CCDC146: variants seen among roughly 807,000 people sequenced by gnomAD.
CCDC146 encodes the protein coiled-coil domain-containing protein 146.
A neutral mutation model predicts 119.3 loss-of-function variants in CCDC146; 92 were observed. The observed-to-expected ratio is 0.77, with a 90% CI of 0.65 to 0.92. The LOEUF is 0.92. Ranked by LOEUF, CCDC146 falls within the 40% of genes least tolerant of loss-of-function variation. CCDC146 has a pLI of 0.00. For synonymous variants in CCDC146, 372 were observed against 371.8 expected, an observed-to-expected ratio of 1.00 and a Z score of -0.01; for missense variants, 1,000 against 1,103.0, an observed-to-expected ratio of 0.91 and a Z score of 1.32.
chr7:77,175,987 C>G (rs923592952), intron 2 of CCDC146, among the ~76,000 whole-genome samples: 1 of 151,126 alleles, frequency 6.6e-6, no homozygotes, highest in African/African-American at 2.5e-5. Flanking sequence ...GAAAGGGAGG[C>G]TTGACTGCTG....
rs142030830 is a variant in CCDC146 at position 77,133,714 on chromosome 7, T to C, written c.-12+10982T>C. On this transcript the variant is annotated intron_variant, in intron 1 of 18. Transcript: ENST00000285871. ...GTACTGGAGGTCCCATACAATGCAATTGGACAATAAAATAGCTTCTGGTTT... is the reference window on the plus strand; with the variant it reads ...GTACTGGAGGTCCCATACAATGCAACTGGACAATAAAATAGCTTCTGGTTT... Among the ~76,000 whole-genome samples the C allele has an allele frequency of 7.1e-3, 1,057 of 149,844 alleles. 57 individuals carry two copies. The East Asian group carries it at 0.14, about 20-fold the overall frequency.
At chr7:77,254,144 T>C (rs986346678) in intron 4 of CCDC146, among the ~76,000 whole-genome samples, 1 of 152,084 alleles carries the variant, frequency 6.6e-6, no homozygotes, top group Admixed American at 6.5e-5. Flanking sequence ...AGGAGATCGA[T>C]TGGGAGGCTG....
intron 1 of CCDC146, among the ~76,000 whole-genome samples, chr7:77,166,684 C>A (rs1287405471): frequency 3.3e-5 from 5 of 151,904 alleles, no homozygotes; most frequent in African/African-American, 1.2e-4. Flanking sequence ...TACTATTACC[C>A]CTATTATATT....
At chr7:77,214,779 C>T (rs1792265803) in intron 2 of CCDC146, among the ~76,000 whole-genome samples, 1 of 151,986 alleles carries the variant, frequency 6.6e-6, no homozygotes, top group African/African-American at 2.4e-5. Context: ...CTGTTCTGTT[C>T]CATCGATCTG....
Position 77,251,325 on chromosome 7 carries a change from T to C in CCDC146, c.450-3181T>C, listed in dbSNP as rs543439215. On this transcript the variant is annotated intron_variant, in intron 4 of 18. Coordinates refer to ENST00000285871, the MANE Select transcript of CCDC146 (RefSeq NM_020879.3). ...GCATGAACCACCATGCCTGGCTGAG[T>C]ATTTCTTTTTTATTATTTCTTAGAA... is the stretch of plus-strand genomic sequence containing the variant. 3.3e-5 allele frequency among the ~76,000 whole-genome samples: 5 copies of C among 151,878 alleles called. No homozygotes were observed. The South Asian group carries it at 1.0e-3, about 32-fold the overall frequency.
Position 77,196,448 on chromosome 7 carries a change from C to T in CCDC146, c.156+28624C>T. ...TTTGCCATTTAAGTTTGCAGAAAGA[C>T]ATGCATCAAACCACCAGCCTGAACT... On this transcript the variant is annotated intron_variant, in intron 2 of 18. Coordinates refer to ENST00000285871, the MANE Select transcript of CCDC146 (RefSeq NM_020879.3). This position sits in a 1 kb window ranked among gnomAD's most constrained non-coding sequence, Gnocchi z 4.2. 1.2e-6 allele frequency: 2 copies of T among 1,614,174 alleles called. No homozygotes were observed. Among genetic ancestry groups the T allele is most frequent in the Non-Finnish European group, 1.7e-6 (2 of 1,180,030 alleles).
chr7:77,187,480 G>T (rs1394433712), intron 2 of CCDC146, among the ~76,000 whole-genome samples: 1 of 152,006 alleles, frequency 6.6e-6, no homozygotes, highest in Non-Finnish European at 1.5e-5. Context: ...CCCCTTTTTG[G>T]CCAGGTTCTC....
At chr7:77,179,858 CA>C (rs1791555930) in intron 2 of CCDC146, among the ~76,000 whole-genome samples, 1 of 152,188 alleles carries the variant, frequency 6.6e-6, no homozygotes, top group African/African-American at 2.4e-5. Context: ...AACAACTCCC[CA>C]ATTCCCCTTT....
intron 1 of CCDC146, among the ~76,000 whole-genome samples, chr7:77,163,730 G>GT (rs1791298033): frequency 6.6e-6 from 1 of 151,930 alleles, no homozygotes; most frequent in African/African-American, 2.4e-5. Context: ...AAGTGGAAGG[G>GT]TTATAGATAA....
chr7:77,290,430 G>A (rs1793924092), intron 17 of CCDC146, among the ~76,000 whole-genome samples: 2 of 152,066 alleles, frequency 1.3e-5, no homozygotes, highest in African/African-American at 4.8e-5. Context: ...GTGGTTGAGT[G>A]GAAAATGACT....
At chr7:77,199,891 G>A (rs1405823320) in intron 2 of CCDC146, 2 of 1,412,300 alleles carry the variant, frequency 1.4e-6, no homozygotes, top group East Asian at 2.3e-5. Context: ...TCCCAGGAAA[G>A]GGTGGGAGCG....
chr7:77,235,617 A>T (rs916326600), intron 2 of CCDC146, among the ~76,000 whole-genome samples: 3 of 152,266 alleles, frequency 2.0e-5, no homozygotes, highest in Middle Eastern at 3.4e-3. Flanking sequence ...TTCCACTTGA[A>T]GTGTTTTGAT....
chr7:77,217,122 A>T (rs1222092214), intron 2 of CCDC146, among the ~76,000 whole-genome samples: 1 of 152,180 alleles, frequency 6.6e-6, no homozygotes, highest in African/African-American at 2.4e-5. Context: ...AAAGGTTAAT[A>T]TGGAAACAGA....
chr7:77,123,261 A>G (rs563533998), intron 1 of CCDC146, among the ~76,000 whole-genome samples: 2 of 151,616 alleles, frequency 1.3e-5, no homozygotes, highest in South Asian at 4.2e-4. Context: ...AGACACAAAA[A>G]AGAGAGTCAC....
intron 2 of CCDC146, among the ~76,000 whole-genome samples, chr7:77,179,740 T>G (rs1791552719): frequency 6.6e-6 from 1 of 152,194 alleles, no homozygotes; most frequent in Non-Finnish European, 1.5e-5. Context: ...AAAATTATAC[T>G]ATTTTAACTG....
At chr7:77,225,557 A>G (rs1792493326) in intron 2 of CCDC146, among the ~76,000 whole-genome samples, 1 of 152,112 alleles carries the variant, frequency 6.6e-6, no homozygotes, top group African/African-American at 2.4e-5. Flanking sequence ...TTGCCTTAAA[A>G]AAAAAAACAA....
intron 2 of CCDC146, among the ~76,000 whole-genome samples, chr7:77,201,044 A>G (rs1221008421): frequency 6.6e-6 from 1 of 152,142 alleles, no homozygotes; most frequent in African/African-American, 2.4e-5. Flanking sequence ...GCCAAATCCT[A>G]TTCACATTCT....
chr7:77,252,672 T>A (rs555544217), intron 4 of CCDC146, among the ~76,000 whole-genome samples: 1 of 152,214 alleles, frequency 6.6e-6, no homozygotes, highest in African/African-American at 2.4e-5. Flanking sequence ...TCACTGTAAC[T>A]GGCACTGTGG....
At chr7:77,238,660 TCAC>T (rs1366669761) in intron 3 of CCDC146, among the ~76,000 whole-genome samples, 1 of 152,118 alleles carries the variant, frequency 6.6e-6, no homozygotes, top group Non-Finnish European at 1.5e-5. Context: ...CTTGTGATCC[TCAC>T]GCCTCGGCCT....
Sources: gnomAD v4.1 joint callset for allele counts (sites outside exome capture counted in the v4.1 genomes callset) on GRCh38, gnomAD v4.1.1 for gene constraint, Gnocchi (gnomAD v3.1) non-coding constraint, MANE v1.5 for transcripts, NCBI Gene and HGNC (gene_info 2026-07-23, HGNC 2026-07-21) for gene names.